The following LINGO2 variants were observed in gnomAD, a reference collection of about 807,000 sequenced individuals.
LINGO2 encodes leucine rich repeat and Ig domain containing 2.
Under a neutral mutation model 30.6 loss-of-function variants are expected in LINGO2, and 14 were observed. That is an observed-to-expected ratio of 0.46 (90% confidence interval 0.30 to 0.72). LINGO2 has a LOEUF of 0.72. LINGO2 is among the 30% of genes least tolerant of loss of function. The pLI is 0.07. For synonymous variants in LINGO2, 317 were observed against 288.5 expected (o/e 1.10, Z -1.00); for missense variants, 729 against 751.7 (o/e 0.97, Z 0.35).
At chr9:28,047,363 A>AT (rs1158813341) in intron 4 of LINGO2, among the ~76,000 whole-genome samples, 1 of 142,018 alleles carries the variant, frequency 7.0e-6, no homozygotes, top group African/African-American at 2.7e-5. Context: ...ATACTGTATG[A>AT]AAGATCTACT....
the LINGO2 span, among the ~76,000 whole-genome samples, chr9:29,058,729 G>A: frequency 6.6e-6 from 1 of 151,702 alleles, no homozygotes; most frequent in Non-Finnish European, 1.5e-5. Context: ...AAGGAAAAAT[G>A]AAAACCAAAT....
At chr9:28,084,948 T>C (rs1300450697) in intron 4 of LINGO2, among the ~76,000 whole-genome samples, 6 of 152,116 alleles carry the variant, frequency 3.9e-5, no homozygotes, top group Admixed American at 2.0e-4. Flanking sequence ...TTGGCCTAGT[T>C]CAAAATTATA....
intron 4 of LINGO2, among the ~76,000 whole-genome samples, chr9:28,058,548 T>C (rs1026258026): frequency 3.9e-5 from 6 of 152,178 alleles, no homozygotes; most frequent in African/African-American, 9.7e-5. Flanking sequence ...AGTAGATAAA[T>C]GACTTTAATA....
chr9:28,383,521 T>G (rs1821444141), intron 2 of LINGO2, among the ~76,000 whole-genome samples: 2 of 151,930 alleles, frequency 1.3e-5, no homozygotes. Context: ...GTCAAACTCC[T>G]CAGGGGATCT....
intron 1 of LINGO2, among the ~76,000 whole-genome samples, chr9:28,664,305 G>A (rs1031116664): frequency 1.3e-5 from 2 of 152,046 alleles, no homozygotes; most frequent in African/African-American, 2.4e-5. Context: ...TATCTGCAAG[G>A]AACAATGACA....
chr9:28,640,445 C>G (rs1006525874), intron 1 of LINGO2, among the ~76,000 whole-genome samples: 2 of 151,680 alleles, frequency 1.3e-5, no homozygotes, highest in African/African-American at 4.8e-5. Flanking sequence ...CTCCCCGTTA[C>G]TTTCAGGTAC....
At chr9:28,907,847 G>A in the LINGO2 span, among the ~76,000 whole-genome samples, 2 of 151,496 alleles carry the variant, frequency 1.3e-5, no homozygotes, top group Non-Finnish European at 1.5e-5. Flanking sequence ...AATTGCATTC[G>A]AGATGACTGT....
At chr9:28,177,025 T>C (rs1451987016) in intron 4 of LINGO2, among the ~76,000 whole-genome samples, 1 of 152,218 alleles carries the variant, frequency 6.6e-6, no homozygotes, top group African/African-American at 2.4e-5. Context: ...TTGATTGCGA[T>C]AGCATTTACC....
At chr9:29,073,778 T>C in the LINGO2 span, among the ~76,000 whole-genome samples, 3 of 152,208 alleles carry the variant, frequency 2.0e-5, no homozygotes, top group African/African-American at 7.2e-5. Context: ...GTGTTTGCTA[T>C]TAAAAAGCTT....
At chr9:28,181,780 T>A (rs1819342030) in intron 4 of LINGO2, among the ~76,000 whole-genome samples, 1 of 152,118 alleles carries the variant, frequency 6.6e-6, no homozygotes, top group African/African-American at 2.4e-5. Flanking sequence ...TTACATTTGT[T>A]TGTGTCCTCT....
chr9:28,096,271 G>A (rs1826239711), intron 4 of LINGO2, among the ~76,000 whole-genome samples: 3 of 152,148 alleles, frequency 2.0e-5, no homozygotes, highest in Non-Finnish European at 4.4e-5. Flanking sequence ...TATGGTATTT[G>A]AAGCTTTCAA....
the LINGO2 span, among the ~76,000 whole-genome samples, chr9:28,691,440 C>A: frequency 1.1e-4 from 17 of 152,106 alleles, no homozygotes; most frequent in Admixed American, 6.6e-4. Flanking sequence ...GCATCACTGA[C>A]CCTTACTGTA....
At chr9:28,486,351 T>G (rs1826163372) in intron 1 of LINGO2, among the ~76,000 whole-genome samples, 1 of 152,150 alleles carries the variant, frequency 6.6e-6, no homozygotes, top group Non-Finnish European at 1.5e-5. Flanking sequence ...ATTTGTGTGT[T>G]GCAAATGACT....
intron 1 of LINGO2, among the ~76,000 whole-genome samples, chr9:28,556,855 T>C (rs1462943080): frequency 6.6e-6 from 1 of 151,754 alleles, no homozygotes; most frequent in African/African-American, 2.4e-5. Context: ...TATCTACAAC[T>C]ATCTGATCTT....
intron 4 of LINGO2, among the ~76,000 whole-genome samples, chr9:28,254,012 T>C (rs1258138745): frequency 6.6e-6 from 1 of 152,052 alleles, no homozygotes; most frequent in Non-Finnish European, 1.5e-5. Context: ...TTTTTTCCCT[T>C]TTGCCCAACA....
intron 5 of LINGO2, among the ~76,000 whole-genome samples, chr9:27,984,003 G>T (rs373724381): frequency 6.6e-6 from 1 of 151,812 alleles, no homozygotes; most frequent in African/African-American, 2.4e-5. Context: ...AGTAGAGGAC[G>T]AAAAGAAGAA....
chr9:29,091,848 T>C, the LINGO2 span, among the ~76,000 whole-genome samples: 1 of 152,026 alleles, frequency 6.6e-6, no homozygotes, highest in Non-Finnish European at 1.5e-5. Context: ...ACATGACAAG[T>C]GGATTAAATA....
chr9:28,028,290 A>G (rs961581324), intron 4 of LINGO2, among the ~76,000 whole-genome samples: 2 of 152,190 alleles, frequency 1.3e-5, no homozygotes, highest in Non-Finnish European at 2.9e-5. Context: ...AGGCAGGTGC[A>G]ATGCCATCAT....
chr9:28,602,928 C>T (rs1247512248), intron 1 of LINGO2, among the ~76,000 whole-genome samples: 1 of 152,004 alleles, frequency 6.6e-6, no homozygotes, highest in Non-Finnish European at 1.5e-5. Flanking sequence ...TAGTTTTCTG[C>T]TTCATAAATG....
Sources: allele counts gnomAD v4.1 joint callset (sites outside exome capture counted in the v4.1 genomes callset), GRCh38; gene constraint gnomAD v4.1.1; transcripts MANE v1.5; gene names NCBI Gene and HGNC (gene_info 2026-07-23, HGNC 2026-07-21).